Variants in B3GALT1 observed in about 807,000 individuals in gnomAD.
B3GALT1 encodes the protein beta-1,3-galactosyltransferase 1, also known as UDP-Gal:betaGlcNAc beta 1,3-galactosyltransferase, polypeptide 1.
A neutral mutation model predicts 23.2 loss-of-function variants in B3GALT1; 10 were observed. That is an observed-to-expected ratio of 0.43 (90% CI 0.27 to 0.73). The LOEUF is 0.73. B3GALT1 is among the 30% of genes least tolerant of loss of function. The pLI is 0.21. For missense variants in B3GALT1, 299 were observed against 405.4 expected (o/e 0.74, Z 2.25); for synonymous variants, 156 against 141.5 (o/e 1.10, Z -0.73).
chr2:167,320,744 A>G (rs1010222189), intron 1 of B3GALT1, among the ~76,000 whole-genome samples: 2 of 152,130 alleles, frequency 1.3e-5, no homozygotes, highest in African/African-American at 4.8e-5. Flanking sequence ...CATGTTTTTA[A>G]AAAATGAATT....
At chr2:167,823,616 T>C (rs564288218) in intron 4 of B3GALT1, among the ~76,000 whole-genome samples, 1 of 152,342 alleles carries the variant, frequency 6.6e-6, no homozygotes, top group Admixed American at 6.5e-5. Context: ...CTCATTTGAA[T>C]ATTCATTATT....
chr2:167,772,635 T>C (rs938921300), intron 3 of B3GALT1, among the ~76,000 whole-genome samples: 5 of 152,346 alleles, frequency 3.3e-5, no homozygotes, highest in East Asian at 1.9e-4. Context: ...TTTTTAGATA[T>C]GCAGCACAAG....
intron 1 of B3GALT1, among the ~76,000 whole-genome samples, chr2:167,417,974 C>T (rs185456164): frequency 8.9e-4 from 135 of 152,250 alleles, no homozygotes; most frequent in African/African-American, 3.1e-3. Context: ...CTGTTTACTG[C>T]GTTGCAAAAG....
chr2:167,537,168 T>G (rs1402680438), intron 2 of B3GALT1, among the ~76,000 whole-genome samples: 1 of 152,150 alleles, frequency 6.6e-6, no homozygotes, highest in African/African-American at 2.4e-5. Flanking sequence ...GTGTCAGGTC[T>G]TACCTGATGG....
chr2:167,563,104 C>T (rs1188851181), intron 2 of B3GALT1, among the ~76,000 whole-genome samples: 1 of 152,118 alleles, frequency 6.6e-6, no homozygotes, highest in Non-Finnish European at 1.5e-5. Flanking sequence ...CCACCTTTCC[C>T]CCCCTTCCAT....
intron 1 of B3GALT1, among the ~76,000 whole-genome samples, chr2:167,361,283 T>A (rs892308388): frequency 6.6e-6 from 1 of 151,452 alleles, no homozygotes. Context: ...TGTGATACTG[T>A]GTATATTTAA....
At chr2:167,493,881 C>A (rs1480309955) in intron 2 of B3GALT1, among the ~76,000 whole-genome samples, 1 of 152,098 alleles carries the variant, frequency 6.6e-6, no homozygotes, top group African/African-American at 2.4e-5. Flanking sequence ...GTCCATGATT[C>A]TCCACTTTTA....
intron 2 of B3GALT1, among the ~76,000 whole-genome samples, chr2:167,642,454 G>C (rs912620573): frequency 3.9e-5 from 6 of 152,158 alleles, no homozygotes; most frequent in Non-Finnish European, 8.8e-5. Flanking sequence ...TCTTGGATTA[G>C]TGCTGTGTAA....
intron 3 of B3GALT1, among the ~76,000 whole-genome samples, chr2:167,744,133 T>C (rs1687616892): frequency 6.6e-6 from 1 of 152,160 alleles, no homozygotes; most frequent in East Asian, 1.9e-4. Context: ...GGCCTATGAG[T>C]ACCAATGGCT....
chr2:167,425,610 G>T (rs1574073638), intron 1 of B3GALT1, among the ~76,000 whole-genome samples: 1 of 152,184 alleles, frequency 6.6e-6, no homozygotes, highest in Non-Finnish European at 1.5e-5. Context: ...TTAACTCCTT[G>T]GCAAATTAGT....
chr2:167,721,691 G>C (rs1477075465), intron 3 of B3GALT1, among the ~76,000 whole-genome samples: 1 of 152,188 alleles, frequency 6.6e-6, no homozygotes, highest in Admixed American at 6.5e-5. Context: ...ACTCAGAAAA[G>C]AAGAAGAAAT....
At chr2:167,313,915 T>C (rs1696670431) in intron 1 of B3GALT1, among the ~76,000 whole-genome samples, 1 of 152,204 alleles carries the variant, frequency 6.6e-6, no homozygotes, top group Non-Finnish European at 1.5e-5. Flanking sequence ...ATTTAAATCC[T>C]GTATTATGTT....
At chr2:167,601,214 C>T (rs1215302076) in intron 2 of B3GALT1, among the ~76,000 whole-genome samples, 3 of 152,104 alleles carry the variant, frequency 2.0e-5, no homozygotes, top group Non-Finnish European at 2.9e-5. Flanking sequence ...CACGTGCCAC[C>T]ACGCCCAGCT....
At chr2:167,477,486 A>C (rs886203607) in intron 1 of B3GALT1, among the ~76,000 whole-genome samples, 1 of 152,210 alleles carries the variant, frequency 6.6e-6, no homozygotes, top group Non-Finnish European at 1.5e-5. Flanking sequence ...AGACAGAAGA[A>C]AGAGGAAGGA....
chr2:167,596,296 C>T (rs1684773150), intron 2 of B3GALT1, among the ~76,000 whole-genome samples: 2 of 152,220 alleles, frequency 1.3e-5, no homozygotes, highest in South Asian at 4.1e-4. Context: ...TTTGACTGTG[C>T]CTGCTGACTT....
rs560706967 is a variant in B3GALT1, at chr2:167,830,523, T to C, written c.-230+11730T>C. On this transcript the variant is annotated intron_variant, in intron 4 of 4. Coordinates refer to ENST00000392690, the MANE Select transcript of B3GALT1 (RefSeq NM_020981.4). ...CACAATTGTGAACTGTCAATATCAA[T>C]ATGGGCCCATGTGCTGCCTATTTGA... Among the ~76,000 whole-genome samples, 3 of 152,290 alleles carry C rather than the reference T, an allele frequency of 2.0e-5. No homozygotes were observed. In the East Asian group the frequency reaches 5.8e-4, roughly 29 times the overall value.
intron 3 of B3GALT1, among the ~76,000 whole-genome samples, chr2:167,691,525 A>G (rs909049821): frequency 5.3e-5 from 8 of 152,140 alleles, no homozygotes; most frequent in African/African-American, 1.7e-4. Flanking sequence ...ACTTATACAA[A>G]TGGTATTGTG....
chr2:167,352,999 A>C (rs545167733), intron 1 of B3GALT1, among the ~76,000 whole-genome samples: 2 of 152,340 alleles, frequency 1.3e-5, no homozygotes, highest in African/African-American at 4.8e-5. Context: ...TGTTTAAAAC[A>C]GAAGCCCTGT....
intron 3 of B3GALT1, among the ~76,000 whole-genome samples, chr2:167,750,863 A>G (rs1349608727): frequency 6.6e-6 from 1 of 152,052 alleles, no homozygotes; most frequent in Non-Finnish European, 1.5e-5. Context: ...TCAAAGTCCC[A>G]GAATCCTATG....
Sources: allele counts gnomAD v4.1 joint callset (sites outside exome capture counted in the v4.1 genomes callset), GRCh38; gene constraint gnomAD v4.1.1; transcripts MANE v1.5; gene names NCBI Gene and HGNC (gene_info 2026-07-23, HGNC 2026-07-21).